UTP20: variants seen among roughly 807,000 people sequenced by gnomAD.
The protein encoded by UTP20 is small subunit processome component 20 homolog.
Under a neutral mutation model 329.5 loss-of-function variants are expected in UTP20, and 164 were observed. That is an observed-to-expected ratio of 0.50 (90% CI 0.44 to 0.57). UTP20 has a LOEUF of 0.57. Among genes scored for constraint, UTP20 ranks in the 20% least tolerant of loss-of-function variants. The pLI is 0.00. For synonymous variants in UTP20, 1,151 were observed against 1,159.3 expected, an observed-to-expected ratio of 0.99 and a Z score of 0.14; for missense variants, 3,055 against 3,284.2, an observed-to-expected ratio of 0.93 and a Z score of 1.71.
intron 22 of UTP20, among the ~76,000 whole-genome samples, chr12:101,318,226 A>AG (rs1398693898): frequency 6.6e-6 from 1 of 152,220 alleles, no homozygotes; most frequent in East Asian, 1.9e-4. Flanking sequence ...ACCTAAAAGA[A>AG]GAAGTGATCA....
chr12:101,320,683 C>CT (rs1873121669), intron 23 of UTP20, among the ~76,000 whole-genome samples, 169 bp from the exon 24 acceptor site: 1 of 152,140 alleles, frequency 6.6e-6, no homozygotes, highest in Non-Finnish European at 1.5e-5. Context: ...TTCTGTTCAT[C>CT]TTTTTTTACT....
At chr12:101,319,204 A>G (rs546222884) in intron 22 of UTP20, among the ~76,000 whole-genome samples, 94 of 152,308 alleles carry the variant, frequency 6.2e-4, no homozygotes, top group African/African-American at 1.9e-3. Flanking sequence ...TGCCACATAG[A>G]ACCTAGACAA....
intron 19 of UTP20, among the ~76,000 whole-genome samples, chr12:101,310,640 T>G (rs977420479): frequency 4.6e-5 from 7 of 151,532 alleles, no homozygotes; most frequent in African/African-American, 1.7e-4. Context: ...CTTCAGACAT[T>G]TGTCTTCAGA....
chr12:101,289,310 G>C (rs1872061806), intron 6 of UTP20, among the ~76,000 whole-genome samples: 1 of 151,974 alleles, frequency 6.6e-6, no homozygotes, highest in Admixed American at 6.6e-5. Context: ...CCAGGAGGTG[G>C]AAGTTGCAGT....
chr12:101,295,495 T>C lies in UTP20; in HGVS notation c.1267T>C (p.Phe423Leu). The change falls in exon 12 of 62, where the codon TTT becomes CTT. Residue 423 changes from phenylalanine to leucine, a missense_variant. Physicochemically the swap from Phe to Leu is conservative, Grantham distance 22 (BLOSUM62 0). Around this residue, in one of 3 missense-constraint regions of UTP20, gnomAD observed 2,445 missense variants for 2,575.5 expected, o/e 0.95. Transcript: ENST00000261637. ...TTAACTTTAGCTTTTTCTACCAAGC[T>C]TTCTGTCATATATTGTGAATTGCTT... ...KQFEQLFLPS[F>L]LSYIVNCFLI... is the part of the protein sequence containing the mutation. 6.3e-7 allele frequency: 1 copy of C among 1,590,454 alleles called. No individual in the cohort carries two copies. Among genetic ancestry groups the C allele is most frequent in the Non-Finnish European group, 8.6e-7 (1 of 1,166,912 alleles).
Position 101,308,825 on chromosome 12 carries a change from C to T in UTP20, c.2154+482C>T, listed in dbSNP as rs528808818. 5.9e-5 allele frequency among the ~76,000 whole-genome samples: 9 copies of T among 151,932 alleles called. No homozygotes were observed. The South Asian group carries it at 1.0e-3, about 18-fold the overall frequency. ...TCTGCTCACTGCAAGCTCAGCCTCCCGGGTTCACACCATTCTCCTGCCTCA... is the reference window on the plus strand; with the variant it reads ...TCTGCTCACTGCAAGCTCAGCCTCCTGGGTTCACACCATTCTCCTGCCTCA... On this transcript the variant is annotated intron_variant, in intron 18 of 61. Transcript: ENST00000261637.
chr12:101,371,060 A>C lies in UTP20; in HGVS notation c.6690A>C (p.Ala2230=), dbSNP rs1268966990. 1.2e-6 allele frequency: 2 copies of C among 1,613,706 alleles called. No individual in the cohort carries two copies. The highest frequency in any genetic ancestry group is 2.7e-5 in the African/African-American group (2 of 75,036). ...RQATAFGLLK[A]ILSRKLLVPE... is the part of the protein sequence containing the mutation. ...TGTCTTTTCCTTTTGTATCTTAGGC[A>C]ATTTTATCAAGAAAGCTGTTGGTCC... The change falls in exon 51 of 62, where the codon GCA becomes GCC. Residue 2230 remains alanine (A), a splice_region_variant and synonymous_variant. Coordinates refer to ENST00000261637, the MANE Select transcript of UTP20 (RefSeq NM_014503.3).
chr12:101,322,281 C>T (rs1419550422), intron 25 of UTP20, among the ~76,000 whole-genome samples: 3 of 152,122 alleles, frequency 2.0e-5, no homozygotes, highest in South Asian at 2.1e-4. Context: ...TGAGCCACTG[C>T]GCCTGGGCCC....
At chr12:101,282,608 C>G (rs1386219040) in intron 2 of UTP20, among the ~76,000 whole-genome samples, 1 of 152,164 alleles carries the variant, frequency 6.6e-6, no homozygotes. Flanking sequence ...ACTTAGAGTT[C>G]TAGGACTGTA....
Position 101,319,546 on chromosome 12 carries a change from C to A in UTP20, c.2740C>A (p.Gln914Lys). ...KKKTRRAAAK[Q>K]LIAHLQVFSK... ...ACTCTCTGTTTTGTTTTTGTTTAGG[C>A]AATTAATTGCTCATTTGCAAGTTTT... Residue 914 changes from glutamine to lysine, a missense_variant and splice_region_variant, in exon 23 of 62, where the codon CAA becomes AAA. By Grantham distance (53) the Gln-to-Lys change is moderately conservative. Around this residue, in one of 3 missense-constraint regions of UTP20, gnomAD observed 2,445 missense variants for 2,575.5 expected, o/e 0.95. Coordinates refer to ENST00000261637, the MANE Select transcript of UTP20 (RefSeq NM_014503.3). The A allele has an allele frequency of 6.3e-7, 1 of 1,597,752 alleles. No homozygotes were observed.
At chr12:101,289,110 C>G (rs952069534) in intron 6 of UTP20, 69 bp downstream of exon 6, 1 of 1,380,318 alleles carries the variant, frequency 7.2e-7, no homozygotes, top group Non-Finnish European at 1.0e-6. Flanking sequence ...GGCGTGGTGG[C>G]TCATGCCTGT....
At position 101,280,141 on chromosome 12, in the gene UTP20, C is replaced by A; in HGVS notation, c.-142C>A. 2 of 1,108,184 alleles carry A rather than the reference C, an allele frequency of 1.8e-6. No homozygotes were observed. Among genetic ancestry groups the A allele is most frequent in the Non-Finnish European group, 2.5e-6 (2 of 785,836 alleles). The allele number at this position is 1,108,184 out of a possible 1,614,324, so 68.6% of individuals were successfully genotyped here. ...TCCTTGTCTCCAACATGGCGGCGCC[C>A]AGGGGCTCAAGCCGCACGTGAGAAA... is the stretch of plus-strand genomic sequence containing the variant. On this transcript the variant is annotated 5_prime_UTR_variant, in exon 1 of 62. Transcript: ENST00000261637.
chr12:101,364,397 A>G (rs574595320), intron 45 of UTP20, among the ~76,000 whole-genome samples: 29 of 152,312 alleles, frequency 1.9e-4, no homozygotes, highest in African/African-American at 7.0e-4. Flanking sequence ...CTGCTACATT[A>G]TCTCTCCTAA....
At chr12:101,343,150 G>A in intron 35 of UTP20, 57 bp downstream of exon 35, 1 of 1,262,762 alleles carries the variant, frequency 7.9e-7, no homozygotes, top group Non-Finnish European at 1.1e-6. Flanking sequence ...TAATACGGCT[G>A]CCTAATACAG....
chr12:101,342,610 C>A, intron 33 of UTP20, 21 bp downstream of exon 33: 1 of 1,590,448 alleles, frequency 6.3e-7, no homozygotes, highest in Non-Finnish European at 8.5e-7. Flanking sequence ...TTCATTTTTA[C>A]TCCAAATCAC....
chr12:101,383,749 T>C (rs1941491104), intron 60 of UTP20, 80 bp downstream of exon 60: 8 of 1,224,240 alleles, frequency 6.5e-6, no homozygotes, highest in Middle Eastern at 2.1e-4. Flanking sequence ...CTTCTTCCTT[T>C]CTGTCCTCCC....
intron 50 of UTP20, 42 bp from the exon 51 acceptor site, chr12:101,371,015 CA>C: frequency 1.3e-6 from 2 of 1,573,506 alleles, no homozygotes; most frequent in Non-Finnish European, 1.7e-6. Context: ...GCATCTGCAG[CA>C]AAACACATGA....
intron 5 of UTP20, 113 bp downstream of exon 5, chr12:101,286,622 A>C: frequency 1.1e-6 from 1 of 870,702 alleles, no homozygotes; most frequent in Non-Finnish European, 1.6e-6. Flanking sequence ...TCCATGTACA[A>C]AGTTGATTCT....
chr12:101,292,439 G>A (rs1207657118), intron 10 of UTP20, among the ~76,000 whole-genome samples: 1 of 152,192 alleles, frequency 6.6e-6, no homozygotes, highest in Non-Finnish European at 1.5e-5. Flanking sequence ...GATGCCTGCA[G>A]GTTTTGATAG....
Sources: gnomAD v4.1 joint callset for allele counts (sites outside exome capture counted in the v4.1 genomes callset) on GRCh38, gnomAD v4.1.1 for gene constraint, gnomAD v4.1.1 regional missense constraint, MANE v1.5 for transcripts, NCBI Gene and HGNC (gene_info 2026-07-23, HGNC 2026-07-21) for gene names.